Variants in DCDC1 observed in about 807,000 individuals in gnomAD.
DCDC1 encodes the protein doublecortin domain containing 1, also known as doublecortin domain-containing protein 1.
DCDC1 carries 200 observed loss-of-function variants against 178.3 expected under a neutral mutation model. The ratio of observed to expected loss-of-function variants is 1.12; its 90% CI spans 1.00 to 1.26. DCDC1 has a LOEUF of 1.26. DCDC1 is among the 50% of genes most tolerant of loss of function. The probability of loss-of-function intolerance (pLI) is 0.00; values close to 1 mark genes in which losing one functional copy is unlikely to be tolerated. For synonymous variants in DCDC1, 690 were observed against 604.8 expected (o/e 1.14, Z -2.07); for missense variants, 1,983 against 1,749.2 (o/e 1.13, Z -2.38).
At chr11:31,027,657 C>G (rs968585784) in intron 20 of DCDC1, among the ~76,000 whole-genome samples, 26 of 151,824 alleles carry the variant, frequency 1.7e-4, no homozygotes, top group African/African-American at 6.3e-4. Context: ...ATTTGATTAT[C>G]TACACTGATG....
intron 8 of DCDC1, among the ~76,000 whole-genome samples, chr11:31,262,269 G>GAAA (rs551280722): frequency 5.7e-5 from 8 of 141,216 alleles, no homozygotes; most frequent in Non-Finnish European, 3.1e-5. Context: ...CTTGTCTCAG[G>GAAA]AAAAAAAAAA....
chr11:31,238,886 G>A (rs909907530), intron 9 of DCDC1, among the ~76,000 whole-genome samples: 2 of 152,062 alleles, frequency 1.3e-5, no homozygotes, highest in Non-Finnish European at 2.9e-5. Context: ...AATGTAGTGT[G>A]CTTAAATCAG....
chr11:31,300,813 AC>A (rs2137532808), intron 6 of DCDC1, among the ~76,000 whole-genome samples: 1 of 152,266 alleles, frequency 6.6e-6, no homozygotes, highest in African/African-American at 2.4e-5. Context: ...AGTTAACAGG[AC>A]AGTATAGGTT....
At chr11:31,335,358 G>A (rs1950217747) in intron 2 of DCDC1, 89 bp downstream of exon 2, 1 of 152,202 alleles carries the variant, frequency 6.6e-6, no homozygotes, top group Non-Finnish European at 1.5e-5. Context: ...TTGCACTTCC[G>A]GGGTGAGGCA....
At chr11:30,905,851 C>A (rs879622523) in intron 30 of DCDC1, among the ~76,000 whole-genome samples, 2 of 152,118 alleles carry the variant, frequency 1.3e-5, no homozygotes, top group Admixed American at 6.6e-5. Context: ...CAATGCATAT[C>A]AGGATTAGGG....
chr11:31,279,117 C>A (rs183340215), intron 7 of DCDC1, among the ~76,000 whole-genome samples: 4 of 152,200 alleles, frequency 2.6e-5, no homozygotes, highest in Non-Finnish European at 5.9e-5. Flanking sequence ...GACCTTCTTT[C>A]ATTTCTCTCA....
chr11:31,130,381 C>T (rs1962273387), intron 10 of DCDC1, among the ~76,000 whole-genome samples: 1 of 152,024 alleles, frequency 6.6e-6, no homozygotes, highest in South Asian at 2.1e-4. Context: ...TAACATATGC[C>T]ACTTCTTAGC....
chr11:30,893,064 GATA>G, intron 35 of DCDC1, 67 bp from the exon 36 acceptor site: 1 of 1,541,606 alleles, frequency 6.5e-7, no homozygotes, highest in African/African-American at 1.4e-5. Flanking sequence ...TGAAGAATGT[GATA>G]AAATCCAGAT....
At chr11:31,158,746 T>C (rs1313924675) in intron 9 of DCDC1, among the ~76,000 whole-genome samples, 1 of 152,186 alleles carries the variant, frequency 6.6e-6, no homozygotes, top group Non-Finnish European at 1.5e-5. Flanking sequence ...GCAACAAGAT[T>C]AGCAATGTCA....
rs764893516 is a variant in DCDC1 at position 30,920,870 on chromosome 11, C to T, written c.3199G>A (p.Ala1067Thr). Reference protein sequence around the residue: ...GSKLAVHKPVAIFGEEKQVTE... With the variant: ...GSKLAVHKPVTIFGEEKQVTE... ...ACTTGCTTCTCTTCTCCAAAAATTG[C>T]TACAGGTTTATGCACAGCAAGCTTG... The change falls in exon 25 of 39, where the codon GCA (alanine) becomes ACA (threonine). Residue 1067 changes from alanine to threonine, a missense_variant. Ala to Thr is a moderately conservative substitution (Grantham distance 58). Coordinates refer to ENST00000684477, the MANE Select transcript of DCDC1 (RefSeq NM_001387274.1). 6.2e-7 allele frequency: 1 copy of T among 1,613,374 alleles called. No homozygotes were observed. Among genetic ancestry groups the T allele is most frequent in the Non-Finnish European group, 8.5e-7 (1 of 1,179,680 alleles).
intron 17 of DCDC1, among the ~76,000 whole-genome samples, chr11:31,087,034 T>G (rs1233353767): frequency 6.6e-6 from 1 of 152,152 alleles, no homozygotes; most frequent in South Asian, 2.1e-4. Context: ...GTTTTCTTTG[T>G]AGGAAGGTTT....
intron 20 of DCDC1, among the ~76,000 whole-genome samples, chr11:30,998,294 A>G (rs1951383055): frequency 6.6e-6 from 1 of 151,962 alleles, no homozygotes; most frequent in Admixed American, 6.5e-5. Context: ...CTGGACTCAA[A>G]ATAAAATAAA....
intron 2 of DCDC1, 35 bp from the exon 3 acceptor site, chr11:31,328,321 TG>T (rs775336251): frequency 2.0e-6 from 3 of 1,518,800 alleles, no homozygotes; most frequent in Non-Finnish European, 2.7e-6. Flanking sequence ...TAATTTTAAA[TG>T]TAAAATCCTA....
intron 9 of DCDC1, chr11:31,155,882 T>C (rs979984340): frequency 6.6e-6 from 1 of 152,178 alleles, no homozygotes; most frequent in African/African-American, 2.4e-5. Flanking sequence ...TCATCTTCAA[T>C]ATAACCCTAA....
At chr11:30,897,933 G>A (rs1328200778) in intron 34 of DCDC1, among the ~76,000 whole-genome samples, 1 of 152,152 alleles carries the variant, frequency 6.6e-6, no homozygotes, top group African/African-American at 2.4e-5. Context: ...GAATGCTGAG[G>A]AAGGCTTCAG....
chr11:31,325,795 A>G (rs1949613236), intron 3 of DCDC1, among the ~76,000 whole-genome samples: 1 of 152,104 alleles, frequency 6.6e-6, no homozygotes, highest in Admixed American at 6.6e-5. Flanking sequence ...AGTAGGAAAA[A>G]CAAATTGACT....
intron 8 of DCDC1, among the ~76,000 whole-genome samples, chr11:31,246,347 T>G (rs1943564109): frequency 6.6e-6 from 1 of 152,038 alleles, no homozygotes. Context: ...CTTCTATATA[T>G]TCTTTGGCAG....
chr11:31,253,811 C>T (rs1035345491), intron 8 of DCDC1, among the ~76,000 whole-genome samples: 1 of 152,164 alleles, frequency 6.6e-6, no homozygotes, highest in Non-Finnish European at 1.5e-5. Context: ...AGAGATAATA[C>T]AGTGTATTCC....
chr11:31,131,188 C>CAAAAAAAAAAAAAAAA (rs565349028), intron 10 of DCDC1, among the ~76,000 whole-genome samples: 1 of 21,558 alleles, frequency 4.6e-5, no homozygotes, highest in African/African-American at 1.1e-4. Context: ...GACTCCGTCT[C>CAAAAAAAAAAAAAAAA]AAAAAAAAAA....
Sources: allele counts gnomAD v4.1 joint callset (sites outside exome capture counted in the v4.1 genomes callset), GRCh38; gene constraint gnomAD v4.1.1; transcripts MANE v1.5; gene names NCBI Gene and HGNC (gene_info 2026-07-23, HGNC 2026-07-21).